Variants in PPP6R2 observed in about 807,000 individuals in gnomAD.
The protein encoded by PPP6R2 is serine/threonine-protein phosphatase 6 regulatory subunit 2.
A neutral mutation model predicts 100.2 loss-of-function variants in PPP6R2; 62 were observed. The ratio of observed to expected loss-of-function variants is 0.62; its 90% CI spans 0.50 to 0.76. The LOEUF (loss-of-function observed/expected upper bound fraction) is 0.76, where lower values mean the gene tolerates loss of function less well. Ranked by LOEUF, PPP6R2 falls within the 30% of genes least tolerant of loss-of-function variation. The probability of loss-of-function intolerance (pLI) is 0.00; values close to 1 mark genes in which losing one functional copy is unlikely to be tolerated. For missense variants in PPP6R2, 1,142 were observed against 1,276.3 expected (o/e 0.89, Z 1.60); for synonymous variants, 525 against 514.7 (o/e 1.02, Z -0.27).
At chr22:50,342,438 C>G (rs2042508440), upstream of PPP6R2, among the ~76,000 whole-genome samples, 1 of 152,024 alleles carries the variant, frequency 6.6e-6, no homozygotes, top group Non-Finnish European at 1.5e-5. Flanking sequence ...CCCGGGGCCG[C>G]CAGCCGCAGG....
intron 10 of PPP6R2, among the ~76,000 whole-genome samples, chr22:50,427,321 T>A (rs1603370137): frequency 2.6e-5 from 4 of 152,186 alleles, no homozygotes; most frequent in Admixed American, 1.3e-4. Flanking sequence ...TTGTAGTAAG[T>A]GATAAGTGTG....
chr22:50,343,345 TCGGAGTGCCGCCCGCGGCC>T lies in PPP6R2; in HGVS notation c.-351_-333del, dbSNP rs1192249462. 2 of 150,020 alleles carry T rather than the reference TCGGAGTGCCGCCCGCGGCC, an allele frequency of 1.3e-5. No individual in the cohort carries two copies. Among genetic ancestry groups the T allele is most frequent in the Non-Finnish European group, 3.0e-5 (2 of 67,242 alleles). 9.3% of individuals were successfully genotyped at this position (150,020 alleles called of 1,614,324 possible). A position where few individuals can be genotyped will look rare whatever the true frequency, so the allele number is the denominator to read the frequency against. On this transcript the variant is annotated 5_prime_UTR_variant, in exon 1 of 24. Coordinates refer to ENST00000612753, the MANE Select transcript of PPP6R2 (RefSeq NM_001242898.2). ...CGCCGCCGCCGCCATTTTGGAGCGA[TCGGAGTGCCGCCCGCGGCC>T]CCGAGTCGGTCTCGAGCCGCCGGCC...
At chr22:50,354,175 C>T (rs984080575) in intron 1 of PPP6R2, among the ~76,000 whole-genome samples, 2 of 151,360 alleles carry the variant, frequency 1.3e-5, no homozygotes, top group African/African-American at 4.9e-5. Context: ...CATGGTGGCA[C>T]GTGGCTGTAA....
Position 50,416,105 on chromosome 22 carries a change from A to C in PPP6R2, c.566A>C (p.Glu189Ala). Residue 189 changes from glutamate (E) to alanine (A), a missense_variant, in exon 6 of 24, where the codon GAG (glutamate) becomes GCG (alanine). Physicochemically the swap from Glu to Ala is moderately radical, Grantham distance 107. Transcript: ENST00000612753. ...TTTCTCTTTCAGTGGCTGAATGAAG[A>C]GAAGGTCATCCAGAGGCTTGTGGAG... is the stretch of plus-strand genomic sequence containing the variant. ...RQDVLHWLNE[E>A]KVIQRLVELI... 1 of 1,613,588 alleles carries C rather than the reference A, an allele frequency of 6.2e-7. No individual in the cohort carries two copies. Among genetic ancestry groups the C allele is most frequent in the Non-Finnish European group, 8.5e-7 (1 of 1,179,530 alleles).
chr22:50,338,089 TGTGTGTG>T, the PPP6R2 span, among the ~76,000 whole-genome samples: 5 of 136,200 alleles, frequency 3.7e-5, no homozygotes, highest in South Asian at 2.4e-4. Flanking sequence ...TGATGTGTAG[TGTGTGTG>T]GTGTGTGGTA....
chr22:50,425,963 G>T (rs2062057266), intron 10 of PPP6R2, among the ~76,000 whole-genome samples: 1 of 151,220 alleles, frequency 6.6e-6, no homozygotes, highest in Non-Finnish European at 1.5e-5. Flanking sequence ...TTTTCTTTGG[G>T]TTATCTTTTT....
At chr22:50,365,272 T>C (rs997770387) in intron 1 of PPP6R2, among the ~76,000 whole-genome samples, 1 of 152,062 alleles carries the variant, frequency 6.6e-6, no homozygotes, top group Non-Finnish European at 1.5e-5. Context: ...GGTTTCTTCA[T>C]GTTGGCCAGG....
At chr22:50,342,551 T>A (rs74875961), upstream of PPP6R2, among the ~76,000 whole-genome samples, 3,714 of 152,318 alleles carry the variant, frequency 0.024, 73 homozygotes, top group Non-Finnish European at 0.037. Context: ...GCCGCCCAGA[T>A]ACGCTTTCGC....
In PPP6R2 at chr22:50,440,804, A is replaced by C. The variant is rs750259116; in HGVS notation, c.2375-18A>C. ...CCCCTCCTGCCTCACTGGACAGCAC[A>C]GGCCTCCTACTTTGCAGTCAGCCCG... On this transcript the variant is annotated intron_variant, in intron 21 of 23. Coordinates refer to ENST00000612753, the MANE Select transcript of PPP6R2 (RefSeq NM_001242898.2). 28 of 1,612,472 alleles carry C rather than the reference A, an allele frequency of 1.7e-5. No individual in the cohort carries two copies. Among genetic ancestry groups the C allele is most frequent in the Non-Finnish European group, 2.4e-5 (28 of 1,179,902 alleles).
chr22:50,333,138 C>CTAAA, the PPP6R2 span, among the ~76,000 whole-genome samples: 2 of 151,876 alleles, frequency 1.3e-5, no homozygotes, highest in Admixed American at 6.6e-5. Flanking sequence ...GACCTCATCT[C>CTAAA]TAAATAAATA....
At chr22:50,384,738 T>G (rs145663201) in intron 2 of PPP6R2, among the ~76,000 whole-genome samples, 132 of 152,146 alleles carry the variant, frequency 8.7e-4, no homozygotes, top group African/African-American at 3.1e-3. Flanking sequence ...CTTCCTTTTT[T>G]TTTTGTTTTG....
In PPP6R2 at chr22:50,394,442, T is replaced by G. The variant is rs539187727; in HGVS notation, c.227+307T>G. Among the ~76,000 whole-genome samples, 15 of 151,734 alleles carry G rather than the reference T, an allele frequency of 9.9e-5. No individual in the cohort carries two copies. The South Asian group carries it at 2.3e-3, about 23-fold the overall frequency. On this transcript the variant is annotated intron_variant, in intron 3 of 23. Coordinates refer to ENST00000612753, the MANE Select transcript of PPP6R2 (RefSeq NM_001242898.2). ...CGACCCTGTCTCTATTAAATTTTTTTTTTTAAATTAGCCAGATGTGGTGTT... is the reference window on the plus strand; with the variant it reads ...CGACCCTGTCTCTATTAAATTTTTTGTTTTAAATTAGCCAGATGTGGTGTT...
chr22:50,432,785 T>G (rs2063410670), intron 12 of PPP6R2, among the ~76,000 whole-genome samples: 1 of 152,258 alleles, frequency 6.6e-6, no homozygotes, highest in South Asian at 2.1e-4. Context: ...CCCACCCGTT[T>G]GCTGTCCTGC....
intron 1 of PPP6R2, among the ~76,000 whole-genome samples, chr22:50,365,186 C>T (rs1425875274): frequency 1.3e-5 from 2 of 151,756 alleles, no homozygotes; most frequent in African/African-American, 4.8e-5. Context: ...ATTCTCCTGC[C>T]TCAGCGTCCC....
Position 50,438,612 on chromosome 22 carries a change from C to G in PPP6R2, c.1978C>G (p.His660Asp), listed in dbSNP as rs1291532219. 3 of 1,613,990 alleles carry G rather than the reference C, an allele frequency of 1.9e-6. No homozygotes were observed. Among genetic ancestry groups the G allele is most frequent in the Non-Finnish European group, 2.5e-6 (3 of 1,179,970 alleles). ...VMARPRFGAP[H>D]ASESCSKNGP... ...AATCTCCCCCAGGTTTGGAGCCCCC[C>G]ATGCTTCAGAGAGTTGCTCAAAGAA... is the stretch of plus-strand genomic sequence containing the variant. Residue 660 changes from histidine (H) to aspartate (D), a missense_variant, in exon 19 of 24, where the codon CAT becomes GAT. This residue lies in a region of PPP6R2 where 550 missense variants were observed against 517.4 expected (regional missense o/e 1.06). Transcript: ENST00000612753.
At chr22:50,416,279 T>A in intron 6 of PPP6R2, 122 bp downstream of exon 6, 1 of 813,448 alleles carries the variant, frequency 1.2e-6, no homozygotes, top group Non-Finnish European at 2.0e-6. Context: ...GAGGATCGGT[T>A]AGGTACTTTT....
rs2057109031 is a variant in PPP6R2 at position 50,397,321 on chromosome 22, TCTAA to T, written c.227+3187_227+3190del. Among the ~76,000 whole-genome samples the T allele has an allele frequency of 2.0e-5, 3 of 152,244 alleles. No individual in the cohort carries two copies. The South Asian group carries it at 6.2e-4, about 32-fold the overall frequency. On this transcript the variant is annotated intron_variant, in intron 3 of 23. Coordinates refer to ENST00000612753, the MANE Select transcript of PPP6R2 (RefSeq NM_001242898.2). ...TAAACAATCCAGGTCAGGATATCCA[TCTAA>T]ATTACCCTGTGACTCGGAGGGAGGG...
At chr22:50,398,504 A>C (rs1301301270) in intron 3 of PPP6R2, among the ~76,000 whole-genome samples, 1 of 147,534 alleles carries the variant, frequency 6.8e-6, no homozygotes, top group East Asian at 2.0e-4. Context: ...AAAAAAAAAA[A>C]CATATTAAGA....
intron 3 of PPP6R2, among the ~76,000 whole-genome samples, chr22:50,396,827 T>A (rs1035355738): frequency 2.6e-5 from 4 of 152,148 alleles, no homozygotes; most frequent in African/African-American, 9.7e-5. Context: ...AGGAGAGTTC[T>A]AGCCTGAGCA....
Sources: allele counts gnomAD v4.1 joint callset (sites outside exome capture counted in the v4.1 genomes callset), GRCh38; gene constraint gnomAD v4.1.1; regional missense constraint gnomAD v4.1.1; transcripts MANE v1.5; gene names NCBI Gene and HGNC (gene_info 2026-07-23, HGNC 2026-07-21).